Variants in ZDHHC11B observed in about 807,000 individuals in gnomAD.
The protein encoded by ZDHHC11B is probable palmitoyltransferase ZDHHC11B.
Under a neutral mutation model 42.3 loss-of-function variants are expected in ZDHHC11B, and 17 were observed. That is an observed-to-expected ratio of 0.40 (90% confidence interval 0.27 to 0.60). The LOEUF is 0.60. Among genes scored for constraint, ZDHHC11B ranks in the 20% least tolerant of loss-of-function variants. The pLI, the probability that ZDHHC11B is intolerant of heterozygous loss-of-function variation, is 0.41. For synonymous variants in ZDHHC11B, 123 were observed against 193.5 expected (o/e 0.64, Z 3.02); for missense variants, 262 against 463.2 (o/e 0.57, Z 3.99).
At chr5:716,047 G>C (rs1214876393) in intron 13 of ZDHHC11B, among the ~76,000 whole-genome samples, 14 of 150,648 alleles carry the variant, frequency 9.3e-5, no homozygotes, top group Middle Eastern at 3.4e-3. Context: ...GAGAAGGCAG[G>C]TACTGAACGG....
intron 4 of ZDHHC11B, among the ~76,000 whole-genome samples, chr5:756,683 C>T (rs1733902217): frequency 6.6e-6 from 1 of 151,626 alleles, no homozygotes; most frequent in African/African-American, 2.4e-5. Context: ...CCCCAAAGGC[C>T]CTGGAGGAGC....
intron 12 of ZDHHC11B, among the ~76,000 whole-genome samples, chr5:729,440 G>T (rs1284717226): frequency 6.6e-6 from 1 of 150,676 alleles, no homozygotes; most frequent in Non-Finnish European, 1.5e-5. Context: ...GGGGCCGGCT[G>T]GGACTCCCTG....
intron 1 of ZDHHC11B, among the ~76,000 whole-genome samples, chr5:780,400 G>C (rs1162661745): frequency 6.6e-6 from 1 of 151,126 alleles, no homozygotes; most frequent in African/African-American, 2.5e-5. Context: ...GGGAGTGTGG[G>C]CGGCGCTGAG....
intron 12 of ZDHHC11B, among the ~76,000 whole-genome samples, chr5:729,540 C>T (rs1461532178): frequency 9.3e-6 from 1 of 107,198 alleles, no homozygotes; most frequent in Non-Finnish European, 2.0e-5. Flanking sequence ...GAGAGTGTGA[C>T]TGTGTGCGAG....
At position 759,594 on chromosome 5, in the gene ZDHHC11B, C is replaced by T. The variant is rs556539116; in HGVS notation, c.223-3450G>A. ...GGCCCTACAGACGCTGTGGTGGCGG[C>T]GGAGCCTGTTTCCCTTTGCAGAAGA... On this transcript the variant is annotated intron_variant, in intron 4 of 13. Transcript: ENST00000508859. 1.2e-3 allele frequency among the ~76,000 whole-genome samples: 180 copies of T among 152,044 alleles called. 1 individual carries two copies. Among genetic ancestry groups the T allele is most frequent in the Non-Finnish European group, 2.1e-3 (143 of 67,902 alleles).
At chr5:767,278 G>T in intron 3 of ZDHHC11B, 114 bp downstream of exon 3, 1 of 1,245,300 alleles carries the variant, frequency 8.0e-7, no homozygotes, top group Non-Finnish European at 1.1e-6. Flanking sequence ...CTGCCATCTG[G>T]ACGGCTGCGG....
chr5:783,174 G>A (rs1341457935), intron 1 of ZDHHC11B, among the ~76,000 whole-genome samples: 2 of 152,302 alleles, frequency 1.3e-5, no homozygotes, highest in African/African-American at 2.4e-5. Context: ...GACCCCTCCC[G>A]GGAAAACGCA....
chr5:776,905 ACT>A (rs1392490547), intron 1 of ZDHHC11B, among the ~76,000 whole-genome samples: 2 of 151,450 alleles, frequency 1.3e-5, no homozygotes, highest in East Asian at 3.9e-4. Context: ...GCTCCGCGGG[ACT>A]CTCCCTGTGA....
chr5:771,406 G>C (rs930767902), intron 1 of ZDHHC11B, among the ~76,000 whole-genome samples: 1 of 151,702 alleles, frequency 6.6e-6, no homozygotes, highest in Non-Finnish European at 1.5e-5. Context: ...CCAACCCAGC[G>C]GAGGATGCAG....
intron 4 of ZDHHC11B, among the ~76,000 whole-genome samples, chr5:760,460 G>T (rs372704448): frequency 6.6e-6 from 1 of 151,674 alleles, no homozygotes; most frequent in African/African-American, 2.4e-5. Context: ...AGCAGCTTCA[G>T]GGGGAGCAGT....
Position 767,080 on chromosome 5 carries a change from G to A in ZDHHC11B, c.1-161C>T, listed in dbSNP as rs1735535771. On this transcript the variant is annotated intron_variant, in intron 3 of 13. Coordinates refer to ENST00000508859, the MANE Select transcript of ZDHHC11B (RefSeq NM_001351303.2). ...TGGGGCCACGTTCCCCGCAGAGGGA[G>A]CAGGGGTTGGGCTGGAGTCGGTGCA... 3 of 976,970 alleles carry A rather than the reference G, an allele frequency of 3.1e-6. No homozygotes were observed. The African/African-American group carries it at 4.6e-5, about 15-fold the overall frequency. The allele number at this position is 976,970 out of a possible 1,614,324, so 60.5% of individuals were successfully genotyped here.
chr5:776,183 T>G (rs1736464037), intron 1 of ZDHHC11B, among the ~76,000 whole-genome samples: 1 of 151,452 alleles, frequency 6.6e-6, no homozygotes, highest in African/African-American at 2.4e-5. Context: ...CACTCCTGTT[T>G]AGGAAACCCT....
intron 11 of ZDHHC11B, chr5:732,769 C>T (rs1467728566): frequency 5.9e-6 from 2 of 336,696 alleles, no homozygotes; most frequent in Non-Finnish European, 1.2e-5. Context: ...GAGGCTCACG[C>T]CTCTAATCCC....
At chr5:713,610 C>T (rs34050774) in intron 13 of ZDHHC11B, among the ~76,000 whole-genome samples, 40,960 of 145,510 alleles carry the variant, frequency 0.28, 2,246 homozygotes, top group Middle Eastern at 0.35. Context: ...ATGCTTGGCT[C>T]CTGGGAATGA....
chr5:781,209 AT>A (rs1383204773), intron 1 of ZDHHC11B, among the ~76,000 whole-genome samples: 2 of 73,294 alleles, frequency 2.7e-5, no homozygotes, highest in African/African-American at 8.5e-5. Flanking sequence ...GGCATGTCAC[AT>A]ACTCCTGACA....
At position 712,244 on chromosome 5, in the gene ZDHHC11B, T is replaced by G. The variant is rs1741429044; in HGVS notation, c.*46A>C. The G allele has an allele frequency of 1.0e-5, 1 of 97,292 alleles. No individual in the cohort carries two copies. 6.0% of individuals were successfully genotyped at this position (97,292 alleles called of 1,614,324 possible). ...CAGGACCTTGATGGAGGGTGGGGTT[T>G]CAGGGTAGAAGACCTGGATCACAGG... On this transcript the variant is annotated 3_prime_UTR_variant, in exon 14 of 14. Transcript: ENST00000508859.
At chr5:765,714 T>C (rs1735213730) in intron 4 of ZDHHC11B, among the ~76,000 whole-genome samples, 1 of 151,912 alleles carries the variant, frequency 6.6e-6, no homozygotes, top group Non-Finnish European at 1.5e-5. Context: ...ACACTCGCAG[T>C]GAAGGTCTGC....
In ZDHHC11B at chr5:751,746, G is replaced by C. The variant is rs71591193; in HGVS notation, c.504-489C>G. Among the ~76,000 whole-genome samples the C allele has an allele frequency of 8.2e-5, 10 of 122,554 alleles. 1 individual carries two copies. Among genetic ancestry groups the C allele is most frequent in the East Asian group, 3.5e-4 (1 of 2,896 alleles). The allele number at this position is 122,554 out of a possible 152,430, so 80.4% of individuals were successfully genotyped here. ...TCCTGTCTCTGTGCCATCCTGTGAC[G>C]CCCCCCCAGGTCTCCAGGCCTCTCG... On this transcript the variant is annotated intron_variant, in intron 6 of 13. Coordinates refer to ENST00000508859, the MANE Select transcript of ZDHHC11B (RefSeq NM_001351303.2).
intron 12 of ZDHHC11B, among the ~76,000 whole-genome samples, chr5:729,289 C>A (rs200894945): frequency 0.092 from 11,400 of 123,882 alleles, 260 homozygotes; most frequent in African/African-American, 0.25. Flanking sequence ...CCTGGTTTGG[C>A]CATCTGGCCC....
Sources: allele counts gnomAD v4.1 joint callset (sites outside exome capture counted in the v4.1 genomes callset), GRCh38; gene constraint gnomAD v4.1.1; transcripts MANE v1.5; gene names NCBI Gene and HGNC (gene_info 2026-07-23, HGNC 2026-07-21).